Variants in FNBP1 observed in about 807,000 individuals in gnomAD.
The protein encoded by FNBP1 is formin-binding protein 1.
A neutral mutation model predicts 90.6 loss-of-function variants in FNBP1; 26 were observed. The observed-to-expected ratio is 0.29, with a 90% CI of 0.21 to 0.40. The LOEUF (loss-of-function observed/expected upper bound fraction) is 0.40. FNBP1 is among the 10% of genes least tolerant of loss of function. The probability of loss-of-function intolerance (pLI) is 1.00; values close to 1 mark genes in which losing one functional copy is unlikely to be tolerated. For missense variants in FNBP1, 635 were observed against 768.0 expected (o/e 0.83, Z 2.05); for synonymous variants, 260 against 265.2 (o/e 0.98, Z 0.19).
In FNBP1 at chr9:129,929,711, A is replaced by G; in HGVS notation, c.514-16T>C. On this transcript the variant is annotated splice_polypyrimidine_tract_variant and intron_variant, in intron 6 of 16. Transcript: ENST00000446176. ...GTTGTCGGGCCTTAGGGCAAAAACAAGAATACTCCTACGTTTATACACCAT... is the reference window on the plus strand; with the variant it reads ...GTTGTCGGGCCTTAGGGCAAAAACAGGAATACTCCTACGTTTATACACCAT... The G allele has an allele frequency of 6.2e-7, 1 of 1,613,762 alleles. No homozygotes were observed. Among genetic ancestry groups the G allele is most frequent in the South Asian group, 1.1e-5 (1 of 91,074 alleles).
intron 10 of FNBP1, 58 bp from the exon 11 acceptor site, chr9:129,916,038 G>C: frequency 1.3e-4 from 146 of 1,093,508 alleles, no homozygotes; most frequent in Non-Finnish European, 1.5e-4. Flanking sequence ...GAGAGAAAGA[G>C]AAAAAAAAAC....
chr9:129,960,984 CAT>C (rs2047720614), intron 4 of FNBP1, among the ~76,000 whole-genome samples: 1 of 151,978 alleles, frequency 6.6e-6, no homozygotes, highest in African/African-American at 2.4e-5. Context: ...CGTAGTTTCA[CAT>C]GTGTTAAGGC....
intron 2 of FNBP1, among the ~76,000 whole-genome samples, chr9:129,994,616 T>C (rs909898219): frequency 5.9e-5 from 9 of 152,008 alleles, no homozygotes; most frequent in African/African-American, 2.2e-4. Context: ...ACTCAGCAAA[T>C]ATCTTGTTGA....
intron 1 of FNBP1, among the ~76,000 whole-genome samples, chr9:129,999,956 C>T (rs1007484680): frequency 1.3e-5 from 2 of 152,140 alleles, no homozygotes; most frequent in African/African-American, 2.4e-5. Context: ...CACACAGATA[C>T]GTAGCTAGAA....
chr9:129,895,897 T>C lies in FNBP1; in HGVS notation c.1787A>G (p.Asp596Gly). The change falls in exon 16 of 17, where the codon GAT becomes GGT. Residue 596 changes from aspartate to glycine, a missense_variant. Transcript: ENST00000446176. ...DGWTRIRRNEDEEGYVPTSYV... is the reference protein window; with the variant it reads ...DGWTRIRRNEGEEGYVPTSYV... ...TGAAGTGGGGACATAACCCTCTTCA[T>C]CTTCATTTCTCCGAATGCGGGTCCA... 1 of 1,613,842 alleles carries C rather than the reference T, an allele frequency of 6.2e-7. No individual in the cohort carries two copies. The highest frequency in any genetic ancestry group is 8.5e-7 in the Non-Finnish European group (1 of 1,179,854).
chr9:130,047,510 G>A (rs1440935392), upstream of FNBP1, among the ~76,000 whole-genome samples: 1 of 152,210 alleles, frequency 6.6e-6, no homozygotes, highest in Non-Finnish European at 1.5e-5. Context: ...CTACTCGGGA[G>A]GCTATGGCAG....
chr9:130,000,009 T>C (rs746305803), intron 1 of FNBP1, among the ~76,000 whole-genome samples: 26 of 152,188 alleles, frequency 1.7e-4, no homozygotes, highest in Admixed American at 9.2e-4. Flanking sequence ...AGTGCAGACA[T>C]TCTCCTTTGA....
At chr9:129,918,072 T>C (rs1564324121) in intron 10 of FNBP1, among the ~76,000 whole-genome samples, 1 of 152,246 alleles carries the variant, frequency 6.6e-6, no homozygotes, top group Non-Finnish European at 1.5e-5. Context: ...CGCAAAGTTA[T>C]ATATTCTTTC....
intron 6 of FNBP1, among the ~76,000 whole-genome samples, chr9:129,946,858 T>C (rs538713322): frequency 5.9e-5 from 9 of 152,242 alleles, no homozygotes; most frequent in Non-Finnish European, 1.3e-4. Flanking sequence ...CTCAGTTTAA[T>C]GCATGCATTT....
chr9:129,953,766 C>A (rs935218413), intron 6 of FNBP1, among the ~76,000 whole-genome samples: 4 of 141,510 alleles, frequency 2.8e-5, no homozygotes, highest in Non-Finnish European at 6.1e-5. Flanking sequence ...AAAGAAAGAA[C>A]TTTTTAAAAG....
At position 129,887,743 on chromosome 9, in the gene FNBP1, C is replaced by T. The variant is rs991572762; in HGVS notation, c.*2796G>A. 7.6e-5 allele frequency: 17 copies of T among 224,036 alleles called. No homozygotes were observed. The highest frequency in any genetic ancestry group is 1.4e-4 in the Non-Finnish European group (16 of 112,446). 13.9% of individuals were successfully genotyped at this position (224,036 alleles called of 1,614,324 possible). A position where few individuals can be genotyped will look rare whatever the true frequency, so the allele number is the denominator to read the frequency against. On this transcript the variant is annotated 3_prime_UTR_variant, in exon 17 of 17. Coordinates refer to ENST00000446176, the MANE Select transcript of FNBP1 (RefSeq NM_015033.3). ...AAGGACAAGTTCCTCCCTTTCACTG[C>T]GTTTCTAAGAACTTTTCAGGGCAGG...
chr9:130,028,917 G>A (rs2132095583), intron 1 of FNBP1, among the ~76,000 whole-genome samples: 1 of 152,176 alleles, frequency 6.6e-6, no homozygotes, highest in Middle Eastern at 3.4e-3. Context: ...TAGATAATTA[G>A]TTATATAACA....
At chr9:129,947,817 T>C (rs1423197977) in intron 6 of FNBP1, among the ~76,000 whole-genome samples, 2 of 151,852 alleles carry the variant, frequency 1.3e-5, no homozygotes, top group Non-Finnish European at 2.9e-5. Context: ...AGACAGGGTT[T>C]CTCCATGTTG....
intron 11 of FNBP1, among the ~76,000 whole-genome samples, chr9:129,914,746 C>T: frequency 1.3e-5 from 1 of 77,530 alleles, no homozygotes; most frequent in East Asian, 6.1e-4. Flanking sequence ...TATGTATATA[C>T]ATACATATGT....
At chr9:129,927,489 A>G in intron 7 of FNBP1, 148 bp from the exon 8 acceptor site, 1 of 669,834 alleles carries the variant, frequency 1.5e-6, no homozygotes, top group South Asian at 2.1e-5. Context: ...GAGCCTCCAT[A>G]TTACCCAGCT....
chr9:129,902,216 T>G (rs2037090057), intron 13 of FNBP1, among the ~76,000 whole-genome samples: 2 of 152,110 alleles, frequency 1.3e-5, no homozygotes, highest in African/African-American at 4.8e-5. Context: ...TTTCATTGCT[T>G]CTTTGATTCA....
chr9:129,892,053 C>T (rs1362958013), intron 16 of FNBP1, among the ~76,000 whole-genome samples: 2 of 152,092 alleles, frequency 1.3e-5, no homozygotes, highest in East Asian at 3.9e-4. Flanking sequence ...GGAGCCGCAG[C>T]GGGGACCTAG....
intron 5 of FNBP1, among the ~76,000 whole-genome samples, 158 bp downstream of exon 5, chr9:129,958,333 G>A (rs1474732571): frequency 2.0e-5 from 3 of 152,074 alleles, no homozygotes; most frequent in Non-Finnish European, 4.4e-5. Flanking sequence ...TTGGGAGGCT[G>A]AGGCAGGAGA....
chr9:130,043,212 C>A, upstream of FNBP1: 1 of 353,492 alleles, frequency 2.8e-6, no homozygotes, highest in Non-Finnish European at 5.1e-6. Flanking sequence ...GCCCGCCCGC[C>A]CTACACCCGG....
Sources: gnomAD v4.1 joint callset for allele counts (sites outside exome capture counted in the v4.1 genomes callset) on GRCh38, gnomAD v4.1.1 for gene constraint, MANE v1.5 for transcripts, NCBI Gene and HGNC (gene_info 2026-07-23, HGNC 2026-07-21) for gene names.